The following EIF6 variants were observed in gnomAD, a reference collection of about 807,000 sequenced individuals.
The protein encoded by EIF6 is B4 integrin interactor.
Under a neutral mutation model 25.5 loss-of-function variants are expected in EIF6, and 10 were observed. The ratio of observed to expected loss-of-function variants is 0.39; its 90% CI spans 0.24 to 0.66. The LOEUF (loss-of-function observed/expected upper bound fraction) is 0.66, where lower values mean the gene tolerates loss of function less well. EIF6 is among the 30% of genes least tolerant of loss of function. The pLI, the probability that EIF6 is intolerant of heterozygous loss-of-function variation, is 0.45. For missense variants in EIF6, 246 were observed against 315.4 expected (o/e 0.78, Z 1.67); for synonymous variants, 122 against 122.6 (o/e 1.00, Z 0.03).
chr20:35,279,602 G>A lies in EIF6; in HGVS notation c.692C>T (p.Thr231Ile), dbSNP rs1480670511. ...GGAATCCCGCATGCTGGTGGCAATG[G>A]TGCTAGGCTGGGCTTCATTCAGCTT... is the stretch of plus-strand genomic sequence containing the variant. ...VFKLNEAQPS[T>I]IATSMRDSLI... is the part of the protein sequence containing the mutation. Residue 231 changes from threonine to isoleucine, a missense_variant, in exon 6 of 7, where the codon ACC (threonine) becomes ATC (isoleucine). Coordinates refer to ENST00000374450, the MANE Select transcript of EIF6 (RefSeq NM_002212.4). The A allele has an allele frequency of 1.2e-6, 2 of 1,614,154 alleles. No individual in the cohort carries two copies. The highest frequency in any genetic ancestry group is 2.2e-5 in the South Asian group (2 of 91,084).
Position 35,278,932 on chromosome 20 carries a change from C to T in EIF6, c.*265G>A. On this transcript the variant is annotated 3_prime_UTR_variant, in exon 7 of 7. Coordinates refer to ENST00000374450, the MANE Select transcript of EIF6 (RefSeq NM_002212.4). ...CACATTCAGAATGGCCCGGAGGGAA[C>T]TGCACTTTAATGGGGTGGCACAGGA... 1.8e-6 allele frequency: 1 copy of T among 549,094 alleles called. No homozygotes were observed. Among genetic ancestry groups the T allele is most frequent in the East Asian group, 3.1e-5 (1 of 31,810 alleles). 34.0% of individuals were successfully genotyped at this position (549,094 alleles called of 1,614,324 possible). A position where few individuals can be genotyped will look rare whatever the true frequency, so the allele number is the denominator to read the frequency against.
chr20:35,279,535 C>T (rs772283304), intron 6 of EIF6, 31 bp downstream of exon 6: 2 of 1,610,682 alleles, frequency 1.2e-6, no homozygotes, highest in South Asian at 1.1e-5. Context: ...ACCCCCAACC[C>T]TGAGCAGAAG....
chr20:35,282,520 G>A (rs2060784300), intron 3 of EIF6, among the ~76,000 whole-genome samples: 1 of 152,122 alleles, frequency 6.6e-6, no homozygotes, highest in Admixed American at 6.5e-5. Flanking sequence ...AGTCCTAAGG[G>A]CATGGTTAGA....
Position 35,279,048 on chromosome 20 carries a change from C to T in EIF6, c.*149G>A, listed in dbSNP as rs1188767403. 3 of 963,698 alleles carry T rather than the reference C, an allele frequency of 3.1e-6. No individual in the cohort carries two copies. In the African/African-American group the frequency reaches 4.9e-5, roughly 16 times the overall value. 59.7% of individuals were successfully genotyped at this position (963,698 alleles called of 1,614,324 possible). ...TAATGATAGATCCAGGCGATAAGCA[C>T]AGGTGGAAAAGGGTTGGGTGCCCAG... is the stretch of plus-strand genomic sequence containing the variant. On this transcript the variant is annotated 3_prime_UTR_variant, in exon 7 of 7. Transcript: ENST00000374450.
chr20:35,279,073 G>C lies in EIF6; in HGVS notation c.*124C>G. 1 of 1,266,952 alleles carries C rather than the reference G, an allele frequency of 7.9e-7. No homozygotes were observed. The allele number at this position is 1,266,952 out of a possible 1,614,324, so 78.5% of individuals were successfully genotyped here. ...CAGGTGGAAAAGGGTTGGGTGCCCA[G>C]CCCCTCAGTCCCAGTGAGCTCTCTG... is the stretch of plus-strand genomic sequence containing the variant. On this transcript the variant is annotated 3_prime_UTR_variant, in exon 7 of 7. Transcript: ENST00000374450.
At chr20:35,281,392 AAAAAAAC>A (rs1026248053) in intron 3 of EIF6, among the ~76,000 whole-genome samples, 23 of 150,658 alleles carry the variant, frequency 1.5e-4, no homozygotes, top group African/African-American at 5.7e-4. Flanking sequence ...TCTCCAAAAA[AAAAAAAC>A]AAAAAAACAA....
chr20:35,279,342 T>G, intron 6 of EIF6, 136 bp from the exon 7 acceptor site: 1 of 1,336,428 alleles, frequency 7.5e-7, no homozygotes, highest in African/African-American at 1.5e-5. Flanking sequence ...TCTAGTATCC[T>G]AGCCCTGAAA....
In EIF6 at chr20:35,284,325, T is replaced by G. The variant is rs200495208; in HGVS notation, c.107+56A>C. ...GCCGGCACCCTCCCACTGCCGGAGC[T>G]CTTGACTCCTGCGCACGCCTCCCCG... On this transcript the variant is annotated intron_variant, in intron 2 of 6. Transcript: ENST00000374450. 136 of 1,613,762 alleles carry G rather than the reference T, an allele frequency of 8.4e-5. 1 individual carries two copies. Among genetic ancestry groups the G allele is most frequent in the Admixed American group, 1.7e-4 (10 of 60,006 alleles).
intron 6 of EIF6, 113 bp from the exon 7 acceptor site, chr20:35,279,319 A>G (rs2060749140): frequency 2.2e-6 from 3 of 1,394,036 alleles, no homozygotes; most frequent in African/African-American, 1.4e-5. Context: ...CAAGCTGCTC[A>G]AGCAGCTACT....
At position 35,279,193 on chromosome 20, in the gene EIF6, T is replaced by G; in HGVS notation, c.*4A>C. 6.2e-7 allele frequency: 1 copy of G among 1,613,842 alleles called. No individual in the cohort carries two copies. Among genetic ancestry groups the G allele is most frequent in the Non-Finnish European group, 8.5e-7 (1 of 1,179,894 alleles). ...GGAGCCCATGGAACAACTTGGAAGG[T>G]GACTCAGGTGAGGCTGAAGAGAAAG... On this transcript the variant is annotated 3_prime_UTR_variant, in exon 7 of 7. Coordinates refer to ENST00000374450, the MANE Select transcript of EIF6 (RefSeq NM_002212.4).
chr20:35,279,663 T>C lies in EIF6; in HGVS notation c.631A>G (p.Thr211Ala). The C allele has an allele frequency of 6.2e-7, 1 of 1,614,184 alleles. No homozygotes were observed. Among genetic ancestry groups the C allele is most frequent in the Non-Finnish European group, 8.5e-7 (1 of 1,180,032 alleles). ...TCCACCACTGACAGCTCTGTGCTGG[T>C]TGTGTCCAGGCCACAGAAGGCACAC... is the stretch of plus-strand genomic sequence containing the variant. ...DWCAFCGLDT[T>A]STELSVVESV... Residue 211 changes from threonine (T) to alanine (A), a missense_variant, in exon 6 of 7, where the codon ACC (threonine) becomes GCC (alanine). Transcript: ENST00000374450.
chr20:35,279,732 G>A lies in EIF6; in HGVS notation c.562C>T (p.Arg188Ter), dbSNP rs1214364777. The A allele has an allele frequency of 4.3e-6, 7 of 1,613,948 alleles. No individual in the cohort carries two copies. Among genetic ancestry groups the A allele is most frequent in the African/African-American group, 2.7e-5 (2 of 74,882 alleles). The change falls in exon 6 of 7, where the codon CGA becomes TGA. Residue 188 changes from arginine (R) to a stop codon, truncating the protein, a stop_gained. Transcript: ENST00000374450. LOFTEE classifies it high-confidence loss of function. ...QVPLVAGTVN[R>*]GSEVIAAGMV... is the part of the protein sequence containing the mutation. ...CCAGCAGCAATCACCTCACTGCCTCGGTTCACAGTCCCCGCCTGCCAAGGG... is the reference window on the plus strand; with the variant it reads ...CCAGCAGCAATCACCTCACTGCCTCAGTTCACAGTCCCCGCCTGCCAAGGG...
In EIF6 at chr20:35,284,280, G is replaced by A. The variant is rs373403485; in HGVS notation, c.108-19C>T. 14 of 1,613,748 alleles carry A rather than the reference G, an allele frequency of 8.7e-6. 1 individual carries two copies. Among genetic ancestry groups the A allele is most frequent in the South Asian group, 7.7e-5 (7 of 91,082 alleles). On this transcript the variant is annotated intron_variant, in intron 2 of 6. Coordinates refer to ENST00000374450, the MANE Select transcript of EIF6 (RefSeq NM_002212.4). ...GAACACACTGTAGGGACATGGACTC[G>A]GTGGTGGCGGGGCAGAGGGGCCGGC...
At chr20:35,279,913 G>A in intron 5 of EIF6, 29 bp downstream of exon 5, 1 of 1,607,450 alleles carries the variant, frequency 6.2e-7, no homozygotes, top group South Asian at 1.1e-5. Flanking sequence ...TGCCTCGGGA[G>A]ACGGGGTTCA....
intron 4 of EIF6, 48 bp from the exon 5 acceptor site, chr20:35,280,166 G>A: frequency 1.3e-6 from 2 of 1,590,998 alleles, no homozygotes; most frequent in Non-Finnish European, 1.7e-6. Context: ...TACAGCCCCA[G>A]AACCAAGGTT....
At chr20:35,284,117 G>A in intron 3 of EIF6, 59 bp downstream of exon 3, 2 of 1,525,712 alleles carry the variant, frequency 1.3e-6, no homozygotes, top group Non-Finnish European at 1.8e-6. Flanking sequence ...TCCCTCCGGG[G>A]GTGTAATTAA....
At chr20:35,284,140 A>C in intron 3 of EIF6, 36 bp downstream of exon 3, 1 of 1,549,748 alleles carries the variant, frequency 6.5e-7, no homozygotes, top group Non-Finnish European at 8.7e-7. Flanking sequence ...GTGCTTGGAG[A>C]CCACTCCCTC....
chr20:35,279,575 A>G lies in EIF6; in HGVS notation c.719T>C (p.Leu240Pro), dbSNP rs1053295443. ...GAGAGGCCCCAGGTACCTGTCAATG[A>G]GGGAATCCCGCATGCTGGTGGCAAT... Reference protein sequence around the residue: ...STIATSMRDSLIDSLT With the variant: ...STIATSMRDSPIDSLT The change falls in exon 6 of 7, where the codon CTC (leucine) becomes CCC (proline). Residue 240 changes from leucine (L) to proline (P), a missense_variant. Coordinates refer to ENST00000374450, the MANE Select transcript of EIF6 (RefSeq NM_002212.4). 1.2e-6 allele frequency: 2 copies of G among 1,613,990 alleles called. No individual in the cohort carries two copies. Among genetic ancestry groups the G allele is most frequent in the Non-Finnish European group, 1.7e-6 (2 of 1,180,006 alleles).
At chr20:35,284,340 A>G (rs1490311770) in intron 2 of EIF6, 41 bp downstream of exon 2, 2 of 1,613,288 alleles carry the variant, frequency 1.2e-6, no homozygotes, top group East Asian at 4.5e-5. Flanking sequence ...ACTCCTGCGC[A>G]CGCCTCCCCG....
Sources: allele counts gnomAD v4.1 joint callset (sites outside exome capture counted in the v4.1 genomes callset), GRCh38; gene constraint gnomAD v4.1.1; transcripts MANE v1.5; gene names NCBI Gene and HGNC (gene_info 2026-07-23, HGNC 2026-07-21).